Variants in KDM6A observed in about 807,000 individuals in gnomAD.
The protein encoded by KDM6A is lysine-specific demethylase 6A.
In KDM6A, 11 loss-of-function variants were observed where a neutral mutation model predicts 117.6. The observed-to-expected ratio is 0.09, with a 90% CI of 0.06 to 0.15. KDM6A has a LOEUF of 0.15. Ranked by LOEUF, KDM6A falls within the 10% of genes least tolerant of loss-of-function variation. The probability of loss-of-function intolerance (pLI) is 1.00; values close to 1 mark genes in which losing one functional copy is unlikely to be tolerated. For synonymous variants in KDM6A, 384 were observed against 396.1 expected (o/e 0.97, Z 0.36); for missense variants, 799 against 1,077.3 (o/e 0.74, Z 3.62).
intron 2 of KDM6A, among the ~76,000 whole-genome samples, chrX:44,896,143 C>T (rs190281337): frequency 0.038 from 4,047 of 107,576 alleles, 209 homozygotes; most frequent in African/African-American, 0.13. Context: ...GCTGGATTTC[C>T]GCTCACTGCA....
intron 2 of KDM6A, among the ~76,000 whole-genome samples, chrX:44,937,277 A>G (rs2037024498): frequency 3.6e-5 from 4 of 111,580 alleles, no homozygotes; most frequent in Non-Finnish European, 7.5e-5. Context: ...CAAATGGATT[A>G]ACATGAAAGA....
chrX:45,097,573 A>G (rs2046163696), intron 27 of KDM6A, among the ~76,000 whole-genome samples: 1 of 111,211 alleles, frequency 9.0e-6, no homozygotes, highest in African/African-American at 3.3e-5. Context: ...TTTATGAAAA[A>G]TTTGTGGGAT....
intron 2 of KDM6A, among the ~76,000 whole-genome samples, chrX:44,955,214 A>G (rs1174260174): frequency 2.7e-5 from 3 of 111,548 alleles, no homozygotes; most frequent in Non-Finnish European, 5.6e-5. Context: ...TTTATAGTGC[A>G]CAAAAGTGAC....
intron 2 of KDM6A, among the ~76,000 whole-genome samples, chrX:44,959,844 G>A (rs1267567612): frequency 9.0e-6 from 1 of 111,176 alleles, no homozygotes; most frequent in Non-Finnish European, 1.9e-5. Context: ...TTAATTATAG[G>A]GAAGCAGAAA....
rs1044942061 is a variant in KDM6A, at chrX:45,023,215, G to C, written c.564+2485G>C. ...TGGGTAAAAAGGATATTTTGGTATGGGGAGTGGTGTGAACAGTCTGTCCGT... is the reference window on the plus strand; with the variant it reads ...TGGGTAAAAAGGATATTTTGGTATGCGGAGTGGTGTGAACAGTCTGTCCGT... On this transcript the variant is annotated intron_variant, in intron 6 of 29. Coordinates refer to ENST00000611820, the MANE Select transcript of KDM6A (RefSeq NM_001291415.2). 2.7e-5 allele frequency among the ~76,000 whole-genome samples: 3 copies of C among 111,879 alleles called. No individual in the cohort carries two copies. In the East Asian group the frequency reaches 8.4e-4, roughly 31 times the overall value.
At chrX:44,941,549 C>T (rs1265317857) in intron 2 of KDM6A, among the ~76,000 whole-genome samples, 1 of 105,284 alleles carries the variant, frequency 9.5e-6, no homozygotes, top group African/African-American at 3.6e-5. Context: ...GGCACGATCT[C>T]GGCTCACTGC....
intron 2 of KDM6A, among the ~76,000 whole-genome samples, chrX:44,923,304 A>AT (rs1364407702): frequency 2.7e-5 from 3 of 109,690 alleles, no homozygotes; most frequent in Non-Finnish European, 1.9e-5. Flanking sequence ...AATTCGGAAA[A>AT]TTTTTTGCTC....
At position 45,107,445 on chromosome X, in the gene KDM6A, C is replaced by T. The variant is rs2148288322; in HGVS notation, c.4070C>T (p.Thr1357Ile). Reference sequence around the variant, plus strand: ...CTAAGAACTCTGAAGCAATGTCAGACATTGAGGGAAGCTCTCATTGCTGCA... The same window carrying T: ...CTAAGAACTCTGAAGCAATGTCAGATATTGAGGGAAGCTCTCATTGCTGCA... The part of the protein sequence containing the change: ...CLLRTLKQCQ[T>I]LREALIAAGK... The change falls in exon 28 of 30, where the codon ACA (threonine) becomes ATA (isoleucine). Residue 1357 changes from threonine (T) to isoleucine (I), a missense_variant. By Grantham distance (89) the Thr-to-Ile change is moderately conservative. Around this residue, in one of 8 missense-constraint regions of KDM6A, gnomAD observed 291 missense variants for 437.9 expected, o/e 0.66. Transcript: ENST00000611820. 1 of 1,207,552 alleles carries T rather than the reference C, an allele frequency of 8.3e-7. No individual in the cohort carries two copies. The highest frequency in any genetic ancestry group is 1.1e-6 in the Non-Finnish European group (1 of 891,827).
chrX:44,985,424 T>C (rs1230992303), intron 4 of KDM6A, among the ~76,000 whole-genome samples: 5 of 111,581 alleles, frequency 4.5e-5, no homozygotes, highest in Non-Finnish European at 9.4e-5. Flanking sequence ...CTGATTGCCA[T>C]GGCCAGAACT....
At chrX:45,006,713 TTAAAAG>T (rs1279852621) in intron 4 of KDM6A, among the ~76,000 whole-genome samples, 1 of 110,881 alleles carries the variant, frequency 9.0e-6, no homozygotes, top group African/African-American at 3.3e-5. Flanking sequence ...GTGAGGAAGT[TTAAAAG>T]TAGAAGGTAA....
chrX:45,052,744 T>C (rs1212747629), intron 9 of KDM6A, among the ~76,000 whole-genome samples: 1 of 111,792 alleles, frequency 8.9e-6, no homozygotes, highest in Admixed American at 9.5e-5. Context: ...TCCCCTAGGC[T>C]GGAATACAGT....
chrX:45,031,116 A>G (rs1171425852), intron 6 of KDM6A, among the ~76,000 whole-genome samples: 2 of 112,162 alleles, frequency 1.8e-5, no homozygotes, highest in South Asian at 3.6e-4. Context: ...GGTCATTATA[A>G]CCCTGTTTTA....
At chrX:45,060,538 G>C (rs2044249746) in intron 13 of KDM6A, 71 bp from the exon 14 acceptor site, 1 of 852,987 alleles carries the variant, frequency 1.2e-6, no homozygotes, top group African/African-American at 2.1e-5. Flanking sequence ...AGCTTGTAAA[G>C]TTTTATAATT....
chrX:45,035,721 A>G (rs1035397005), intron 7 of KDM6A, among the ~76,000 whole-genome samples: 1 of 109,460 alleles, frequency 9.1e-6, no homozygotes, highest in Non-Finnish European at 1.9e-5. Flanking sequence ...TTTTTTTGAG[A>G]TGGAGTCTCA....
At chrX:45,059,872 C>T in intron 12 of KDM6A, 150 bp from the exon 13 acceptor site, 1 of 816,226 alleles carries the variant, frequency 1.2e-6, no homozygotes, top group Non-Finnish European at 1.7e-6. Context: ...TTCCGGTTAC[C>T]CTGTTTATAC....
intron 24 of KDM6A, among the ~76,000 whole-genome samples, chrX:45,085,592 G>A (rs2045610011): frequency 8.9e-6 from 1 of 111,866 alleles, no homozygotes; most frequent in Admixed American, 9.5e-5. Context: ...AAGCCAAGGA[G>A]TCTGGCTCCA....
chrX:44,967,332 C>G (rs1374948273), intron 3 of KDM6A, among the ~76,000 whole-genome samples: 1 of 111,508 alleles, frequency 9.0e-6, no homozygotes, highest in Non-Finnish European at 1.9e-5. Flanking sequence ...CTTCTCCTCT[C>G]TTTGGATCTA....
chrX:45,045,058 G>T (rs1181771785), intron 8 of KDM6A, among the ~76,000 whole-genome samples: 1 of 111,576 alleles, frequency 9.0e-6, no homozygotes, highest in Non-Finnish European at 1.9e-5. Context: ...AATATGTAGG[G>T]TTTATTTCAT....
At chrX:44,949,005 TA>T (rs1352823545) in intron 2 of KDM6A, among the ~76,000 whole-genome samples, 7 of 112,412 alleles carry the variant, frequency 6.2e-5, no homozygotes, top group African/African-American at 2.3e-4. Context: ...AACTGTTCAA[TA>T]AAATGCTATG....
Sources: gnomAD v4.1 joint callset for allele counts (sites outside exome capture counted in the v4.1 genomes callset) on GRCh38, gnomAD v4.1.1 for gene constraint, gnomAD v4.1.1 regional missense constraint, MANE v1.5 for transcripts, NCBI Gene and HGNC (gene_info 2026-07-23, HGNC 2026-07-21) for gene names.